The following CCSER1 variants were observed in gnomAD, a reference collection of about 807,000 sequenced individuals.
The protein encoded by CCSER1 is serine-rich coiled-coil domain-containing protein 1.
Under a neutral mutation model 82.0 loss-of-function variants are expected in CCSER1, and 41 were observed. The observed-to-expected ratio is 0.50, with a 90% CI of 0.39 to 0.65. The LOEUF (loss-of-function observed/expected upper bound fraction) is 0.65. Ranked by LOEUF, CCSER1 falls within the 30% of genes least tolerant of loss-of-function variation. CCSER1 has a pLI of 0.00. For missense variants in CCSER1, 1,119 were observed against 1,064.2 expected (o/e 1.05, Z -0.72); for synonymous variants, 414 against 383.9 (o/e 1.08, Z -0.92).
At chr4:90,411,579 C>T (rs919616502) in intron 4 of CCSER1, among the ~76,000 whole-genome samples, 4 of 152,190 alleles carry the variant, frequency 2.6e-5, no homozygotes, top group Admixed American at 2.0e-4. Context: ...AACAACACTT[C>T]GTGCTAAAAA....
intron 10 of CCSER1, among the ~76,000 whole-genome samples, chr4:91,308,992 G>A (rs1003977118): frequency 3.9e-5 from 6 of 151,924 alleles, no homozygotes; most frequent in African/African-American, 1.4e-4. Flanking sequence ...TAAACCCTAT[G>A]GGAAAGTGAG....
intron 10 of CCSER1, among the ~76,000 whole-genome samples, chr4:91,143,730 T>C (rs1046290485): frequency 1.3e-5 from 2 of 152,044 alleles, no homozygotes; most frequent in Non-Finnish European, 2.9e-5. Context: ...CTATTGAGAT[T>C]ATCATATGGT....
At chr4:90,965,116 C>T (rs1436638705) in intron 9 of CCSER1, among the ~76,000 whole-genome samples, 1 of 152,046 alleles carries the variant, frequency 6.6e-6, no homozygotes, top group African/African-American at 2.4e-5. Flanking sequence ...GAACTCAGGG[C>T]TTACTCATTG....
intron 10 of CCSER1, among the ~76,000 whole-genome samples, chr4:91,231,463 G>A (rs756313283): frequency 6.6e-6 from 1 of 151,626 alleles, no homozygotes; most frequent in South Asian, 2.1e-4. Flanking sequence ...AGGTGTGGTG[G>A]GGGAATTAAC....
At chr4:91,032,469 C>T (rs900182708) in intron 9 of CCSER1, among the ~76,000 whole-genome samples, 2 of 152,044 alleles carry the variant, frequency 1.3e-5, no homozygotes, top group African/African-American at 4.8e-5. Context: ...GCAACGTGTA[C>T]GATTGCAGAA....
chr4:90,426,321 T>C (rs1420726703), intron 4 of CCSER1, among the ~76,000 whole-genome samples: 2 of 152,194 alleles, frequency 1.3e-5, no homozygotes, highest in Non-Finnish European at 2.9e-5. Context: ...TATTTGTCCA[T>C]GAGGAAGAAA....
chr4:91,554,717 A>G (rs952983366), intron 10 of CCSER1, among the ~76,000 whole-genome samples: 1 of 151,260 alleles, frequency 6.6e-6, no homozygotes, highest in Non-Finnish European at 1.5e-5. Flanking sequence ...ATATAGAGCT[A>G]CAAAAGACCC....
At chr4:91,069,155 A>C (rs921353149) in intron 9 of CCSER1, among the ~76,000 whole-genome samples, 1 of 152,068 alleles carries the variant, frequency 6.6e-6, no homozygotes, top group Non-Finnish European at 1.5e-5. Context: ...AGAGTGAGAC[A>C]TCATCTCAAA....
chr4:90,596,704 C>A (rs562218943), intron 5 of CCSER1, among the ~76,000 whole-genome samples: 7 of 150,040 alleles, frequency 4.7e-5, no homozygotes, highest in African/African-American at 1.8e-4. Context: ...ATTGCTAAAC[C>A]AGATATTTTT....
Position 90,328,806 on chromosome 4 carries a change from A to G in CCSER1, c.1509+15759A>G, listed in dbSNP as rs952371127. ...TTGTGCCTCAGGCTGGCTCTGGTCC[A>G]AGAGGAGCTTGTGGTGTGCAGAGGG... On this transcript the variant is annotated intron_variant, in intron 3 of 10. Coordinates refer to ENST00000509176, the MANE Select transcript of CCSER1 (RefSeq NM_001145065.2). 2.6e-5 allele frequency among the ~76,000 whole-genome samples: 4 copies of G among 152,234 alleles called. No homozygotes were observed. In the East Asian group the frequency reaches 7.7e-4, roughly 29 times the overall value.
At chr4:90,325,345 T>A (rs558525776) in intron 3 of CCSER1, among the ~76,000 whole-genome samples, 1 of 152,240 alleles carries the variant, frequency 6.6e-6, no homozygotes, top group Non-Finnish European at 1.5e-5. Context: ...GAGAATTAGA[T>A]ATCTTTTACC....
At chr4:91,503,604 A>AC (rs1759335013) in intron 10 of CCSER1, among the ~76,000 whole-genome samples, 1 of 152,124 alleles carries the variant, frequency 6.6e-6, no homozygotes, top group Non-Finnish European at 1.5e-5. Context: ...TGAGCTAAAA[A>AC]ATGTTAAAAG....
chr4:90,377,055 G>A (rs981078715), intron 3 of CCSER1, among the ~76,000 whole-genome samples: 1 of 152,074 alleles, frequency 6.6e-6, no homozygotes, highest in African/African-American at 2.4e-5. Flanking sequence ...TGTGAAAATG[G>A]CACTCAGGGA....
At chr4:90,180,503 C>T (rs1175890934) in intron 1 of CCSER1, among the ~76,000 whole-genome samples, 1 of 151,858 alleles carries the variant, frequency 6.6e-6, no homozygotes, top group African/African-American at 2.4e-5. Flanking sequence ...GCAGGAGAAT[C>T]GCTTGAACCT....
chr4:90,279,366 A>G (rs1274785671), intron 1 of CCSER1, among the ~76,000 whole-genome samples: 1 of 152,032 alleles, frequency 6.6e-6, no homozygotes, highest in Non-Finnish European at 1.5e-5. Context: ...AAGCCAATCC[A>G]CTATATGGAT....
At chr4:90,156,512 C>T (rs1362917754) in intron 1 of CCSER1, among the ~76,000 whole-genome samples, 1 of 152,134 alleles carries the variant, frequency 6.6e-6, no homozygotes, top group African/African-American at 2.4e-5. Context: ...GAGTCTAAGT[C>T]TCTTTGTAGG....
chr4:90,778,402 A>G (rs997717179), intron 7 of CCSER1, among the ~76,000 whole-genome samples: 5 of 152,158 alleles, frequency 3.3e-5, no homozygotes, highest in Non-Finnish European at 7.4e-5. Context: ...GCATGAGTGC[A>G]TGGATAGATG....
intron 10 of CCSER1, among the ~76,000 whole-genome samples, chr4:91,244,926 A>T (rs1405651558): frequency 6.6e-6 from 1 of 152,184 alleles, no homozygotes; most frequent in Non-Finnish European, 1.5e-5. Flanking sequence ...AGATAAATTT[A>T]ACAAGGAGAT....
In CCSER1 at chr4:90,309,426, A is replaced by AACT. The variant is rs1413063803; in HGVS notation, c.1142_1143insACT (p.Asn381delinsLysLeu). 2 of 1,613,878 alleles carry AACT rather than the reference A, an allele frequency of 1.2e-6. No homozygotes were observed. The highest frequency in any genetic ancestry group is 2.7e-5 in the African/African-American group (2 of 75,060). ...AGAGAAGAAAATATAGGGTTACAAA[A>AACT]TGGTGAAACAATGCTGGGGACAAAC... On this transcript the variant is annotated protein_altering_variant, in exon 2 of 11. Transcript: ENST00000509176.
Sources: gnomAD v4.1 joint callset for allele counts (sites outside exome capture counted in the v4.1 genomes callset) on GRCh38, gnomAD v4.1.1 for gene constraint, MANE v1.5 for transcripts, NCBI Gene and HGNC (gene_info 2026-07-23, HGNC 2026-07-21) for gene names.